The following PLAC9 variants were observed in gnomAD, a reference collection of about 807,000 sequenced individuals.
The protein encoded by PLAC9 is placenta associated 9.
PLAC9 carries 12 observed loss-of-function variants against 11.5 expected under a neutral mutation model. The observed-to-expected ratio is 1.05, with a 90% CI of 0.67 to 1.69. The LOEUF is 1.69. Among genes scored for constraint, PLAC9 ranks in the 40% most tolerant of loss-of-function variants. The pLI is 0.00. For missense variants in PLAC9, 132 were observed against 130.5 expected, an observed-to-expected ratio of 1.01 and a Z score of -0.06; for synonymous variants, 62 against 58.1, an observed-to-expected ratio of 1.07 and a Z score of -0.31.
intron 2 of PLAC9, 84 bp from the exon 3 acceptor site, chr10:80,144,139 G>T (rs937467178): frequency 6.9e-6 from 11 of 1,592,264 alleles, no homozygotes; most frequent in Non-Finnish European, 9.5e-6. Flanking sequence ...GCACTGGACC[G>T]CCAGCTGCTC....
In PLAC9 at chr10:80,142,110, A is replaced by G. The variant is rs757256020; in HGVS notation, c.93A>G (p.Gly31=). The change falls in exon 2 of 4, where the codon GGA becomes GGG. Residue 31 remains glycine (G), a synonymous_variant. Transcript: ENST00000372263. ...CCGAACCCTTCAGCCCTCCGCGAGG[A>G]GACTCAGCTCAGAGCACAGCGTGTG... ...AAAEPFSPPR[G]DSAQSTACDR... 1 of 1,610,786 alleles carries G rather than the reference A, an allele frequency of 6.2e-7. No homozygotes were observed. The highest frequency in any genetic ancestry group is 8.5e-7 in the Non-Finnish European group (1 of 1,177,524).
rs544990608 is a variant in PLAC9, at chr10:80,135,124, A to G, written c.64+2298A>G. 5.9e-5 allele frequency among the ~76,000 whole-genome samples: 9 copies of G among 151,766 alleles called. No individual in the cohort carries two copies. The South Asian group carries it at 1.9e-3, about 32-fold the overall frequency. ...AAGCTCCGCCTCCCGGGTTCACACCATTCTCCTGCCTCAGCCTCCCAAGCA... is the reference window on the plus strand; with the variant it reads ...AAGCTCCGCCTCCCGGGTTCACACCGTTCTCCTGCCTCAGCCTCCCAAGCA... On this transcript the variant is annotated intron_variant, in intron 1 of 3. Transcript: ENST00000372263.
In PLAC9 at chr10:80,144,955, G is replaced by C; in HGVS notation, c.*45G>C. ...GCAGTTGGAGGTGGTGCACCTGCCA[G>C]GCAGCGCCCACAGAACCAGCCCTGT... On this transcript the variant is annotated 3_prime_UTR_variant, in exon 4 of 4. Transcript: ENST00000372263. The C allele has an allele frequency of 6.4e-7, 1 of 1,563,364 alleles. No homozygotes were observed. The highest frequency in any genetic ancestry group is 1.9e-5 in the Admixed American group (1 of 52,102).
At chr10:80,141,937 G>A (rs1845044560) in intron 1 of PLAC9, 145 bp from the exon 2 acceptor site, 6 of 482,022 alleles carry the variant, frequency 1.2e-5, no homozygotes, top group South Asian at 8.7e-5. Flanking sequence ...GCTGACACTC[G>A]CACACTGACC....
At position 80,132,736 on chromosome 10, in the gene PLAC9, G is replaced by T. The variant is rs1207925511; in HGVS notation, c.-27G>T. ...GGGAAGGGCGGCTGCGGGCAGACGCGGCGCTGCGCTCGGCCAGGCCGGCAC... is the reference window on the plus strand; with the variant it reads ...GGGAAGGGCGGCTGCGGGCAGACGCTGCGCTGCGCTCGGCCAGGCCGGCAC... On this transcript the variant is annotated 5_prime_UTR_variant, in exon 1 of 4. Coordinates refer to ENST00000372263, the MANE Select transcript of PLAC9 (RefSeq NM_001012973.3). 1.4e-6 allele frequency: 2 copies of T among 1,447,244 alleles called. No homozygotes were observed. The highest frequency in any genetic ancestry group is 2.7e-5 in the Admixed American group (1 of 37,270). 89.7% of individuals were successfully genotyped at this position (1,447,244 alleles called of 1,614,324 possible).
At chr10:80,144,123 T>G (rs1437018108) in intron 2 of PLAC9, 100 bp from the exon 3 acceptor site, 10 of 1,550,302 alleles carry the variant, frequency 6.5e-6, no homozygotes, top group Non-Finnish European at 8.0e-6. Context: ...CCTTTCCCAC[T>G]GCACCGCACT....
rs370135260 is a variant in PLAC9, at chr10:80,142,136, A to G, written c.119A>G (p.Asp40Gly). Reference sequence around the variant, plus strand: ...GACTCAGCTCAGAGCACAGCGTGTGACAGACACATGGCTGTGCAACGCCGT... The same window carrying G: ...GACTCAGCTCAGAGCACAGCGTGTGGCAGACACATGGCTGTGCAACGCCGT... ...RGDSAQSTACDRHMAVQRRLD... is the reference protein window; with the variant it reads ...RGDSAQSTACGRHMAVQRRLD... The change falls in exon 2 of 4, where the codon GAC becomes GGC. Residue 40 changes from aspartate to glycine, a missense_variant. Physicochemically the swap from Asp to Gly is moderately conservative, Grantham distance 94. Transcript: ENST00000372263. The G allele has an allele frequency of 3.1e-6, 5 of 1,611,656 alleles. 1 individual carries two copies. The highest frequency in any genetic ancestry group is 8.5e-7 in the Non-Finnish European group (1 of 1,178,170).
At position 80,144,205 on chromosome 10, in the gene PLAC9, C is replaced by CCCCACTT. The variant is rs771495052; in HGVS notation, c.163-11_163-5dup. On this transcript the variant is annotated splice_polypyrimidine_tract_variant and intron_variant, in intron 2 of 3. Transcript: ENST00000372263. ...GGAACCACTTCTGTCCTCGACTTTA[C>CCCCACTT]CCCACTTCCCACTCTAGATGGTAGA... The CCCCACTT allele has an allele frequency of 1.9e-6, 3 of 1,614,114 alleles. No individual in the cohort carries two copies. Among genetic ancestry groups the CCCCACTT allele is most frequent in the Non-Finnish European group, 2.5e-6 (3 of 1,180,014 alleles).
Position 80,145,092 on chromosome 10 carries a change from T to G in PLAC9, c.*182T>G, listed in dbSNP as rs577585619. ...ACAGCCTCCTCTCACTCCACTTCCATGCCTGGAGGAAGCCTGCAACCCCCT... is the reference window on the plus strand; with the variant it reads ...ACAGCCTCCTCTCACTCCACTTCCAGGCCTGGAGGAAGCCTGCAACCCCCT... On this transcript the variant is annotated 3_prime_UTR_variant, in exon 4 of 4. Coordinates refer to ENST00000372263, the MANE Select transcript of PLAC9 (RefSeq NM_001012973.3). 8.6e-6 allele frequency: 7 copies of G among 815,944 alleles called. No individual in the cohort carries two copies. Among genetic ancestry groups the G allele is most frequent in the Non-Finnish European group, 1.4e-5 (7 of 491,244 alleles). The allele number at this position is 815,944 out of a possible 1,614,324, so 50.5% of individuals were successfully genotyped here. A position where few individuals can be genotyped will look rare whatever the true frequency, so the allele number is the denominator to read the frequency against.
chr10:80,135,050 C>A (rs574321072), intron 1 of PLAC9, among the ~76,000 whole-genome samples: 2 of 138,710 alleles, frequency 1.4e-5, no homozygotes, highest in Admixed American at 1.5e-4. Flanking sequence ...GATGGAGTCT[C>A]GCTCTGTCTC....
intron 2 of PLAC9, chr10:80,143,935 G>T: frequency 2.5e-6 from 1 of 394,544 alleles, no homozygotes; most frequent in Non-Finnish European, 4.7e-6. Context: ...TGAGCTCCAG[G>T]CTGCAAAGTC....
At chr10:80,132,473 G>T, upstream of PLAC9, 1 of 391,460 alleles carries the variant, frequency 2.6e-6, no homozygotes, top group Non-Finnish European at 4.6e-6. Context: ...CCCCCGCCCC[G>T]CCTTCCCTCC....
chr10:80,142,306 C>A, intron 2 of PLAC9, 127 bp downstream of exon 2: 1 of 691,558 alleles, frequency 1.4e-6, no homozygotes, highest in Non-Finnish European at 2.3e-6. Flanking sequence ...GTGGCCACCT[C>A]GTCCAACATC....
upstream of PLAC9, chr10:80,131,926 G>A (rs1844917490): frequency 6.6e-6 from 1 of 152,212 alleles, no homozygotes; most frequent in East Asian, 1.9e-4. Context: ...ACTCACTCAG[G>A]GCTCTGCAGC....
intron 1 of PLAC9, 26 bp downstream of exon 1, chr10:80,132,852 G>C: frequency 6.8e-7 from 1 of 1,478,856 alleles, no homozygotes; most frequent in Non-Finnish European, 8.9e-7. Flanking sequence ...GGCGCGGCAG[G>C]GGACCTGGAG....
At chr10:80,135,983 C>T (rs1186337706) in intron 1 of PLAC9, among the ~76,000 whole-genome samples, 1 of 152,216 alleles carries the variant, frequency 6.6e-6, no homozygotes, top group Non-Finnish European at 1.5e-5. Context: ...GAAAACATTT[C>T]TCAACCCCCA....
chr10:80,132,167 T>TG (rs938832381), upstream of PLAC9, among the ~76,000 whole-genome samples: 15 of 151,870 alleles, frequency 9.9e-5, no homozygotes, highest in Non-Finnish European at 2.1e-4. Context: ...CTTTTCTTTT[T>TG]AAAATTACCT....
intron 2 of PLAC9, among the ~76,000 whole-genome samples, chr10:80,143,389 ATTTTTT>A (rs560963413): frequency 0.45 from 40,229 of 89,734 alleles, 7,248 homozygotes; most frequent in East Asian, 0.55. Flanking sequence ...AAATACTTGA[ATTTTTT>A]TTTTTTTTTT....
chr10:80,142,070 G>A lies in PLAC9; in HGVS notation c.65-12G>A, dbSNP rs1263033055. Reference sequence around the variant, plus strand: ...TAAGGGTCCCACAGTGACAAGACTTGTTTTCCCACAGCTGCCGAACCCTTC... The same window carrying A: ...TAAGGGTCCCACAGTGACAAGACTTATTTTCCCACAGCTGCCGAACCCTTC... On this transcript the variant is annotated splice_polypyrimidine_tract_variant and intron_variant, in intron 1 of 3. Coordinates refer to ENST00000372263, the MANE Select transcript of PLAC9 (RefSeq NM_001012973.3). 1 of 1,603,204 alleles carries A rather than the reference G, an allele frequency of 6.2e-7. No homozygotes were observed. The highest frequency in any genetic ancestry group is 2.2e-5 in the East Asian group (1 of 44,456).
Sources: allele counts gnomAD v4.1 joint callset (sites outside exome capture counted in the v4.1 genomes callset), GRCh38; gene constraint gnomAD v4.1.1; transcripts MANE v1.5; gene names NCBI Gene and HGNC (gene_info 2026-07-23, HGNC 2026-07-21).